The following GALNTL6 variants were observed in gnomAD, a reference collection of about 807,000 sequenced individuals.
GALNTL6 encodes the protein polypeptide N-acetylgalactosaminyltransferase-like 6.
In GALNTL6, 46 loss-of-function variants were observed where a neutral mutation model predicts 73.7. The observed-to-expected ratio is 0.62, with a 90% CI of 0.49 to 0.80. GALNTL6 has a LOEUF of 0.80. GALNTL6 is among the 30% of genes least tolerant of loss of function. GALNTL6 has a pLI of 0.00. For missense variants in GALNTL6, 604 were observed against 755.0 expected (o/e 0.80, Z 2.34); for synonymous variants, 259 against 263.7 (o/e 0.98, Z 0.17).
chr4:171,845,176 C>T (rs148083657), intron 2 of GALNTL6, among the ~76,000 whole-genome samples: 16 of 152,246 alleles, frequency 1.1e-4, no homozygotes, highest in African/African-American at 3.1e-4. Context: ...GCTGATACTT[C>T]TTAACTGTTT....
intron 5 of GALNTL6, among the ~76,000 whole-genome samples, chr4:172,594,117 C>T (rs191261300): frequency 1.6e-4 from 25 of 152,140 alleles, no homozygotes; most frequent in African/African-American, 5.8e-4. Context: ...GAGGCCGAGG[C>T]GGGTGGATCA....
chr4:172,883,498 C>G (rs115637435), intron 8 of GALNTL6, among the ~76,000 whole-genome samples: 34 of 152,216 alleles, frequency 2.2e-4, no homozygotes, highest in African/African-American at 8.2e-4. Flanking sequence ...AAGCAAGAGA[C>G]GCAGGGGTGA....
intron 7 of GALNTL6, among the ~76,000 whole-genome samples, chr4:172,854,398 T>C (rs956998157): frequency 4.6e-5 from 7 of 152,226 alleles, no homozygotes; most frequent in African/African-American, 1.7e-4. Flanking sequence ...AAAAAATCTT[T>C]ATTAAGCAAA....
At chr4:171,939,016 T>G (rs561959205) in intron 2 of GALNTL6, among the ~76,000 whole-genome samples, 3 of 152,016 alleles carry the variant, frequency 2.0e-5, no homozygotes, top group African/African-American at 7.2e-5. Context: ...GGTTGGGAGG[T>G]ATCTTAAGTT....
At chr4:172,032,951 A>G (rs962013473) in intron 2 of GALNTL6, among the ~76,000 whole-genome samples, 1 of 152,014 alleles carries the variant, frequency 6.6e-6, no homozygotes, top group African/African-American at 2.4e-5. Flanking sequence ...CATATACTGT[A>G]TTCTTATAGT....
rs566779043 is a variant in GALNTL6 at position 172,198,676 on chromosome 4, G to C, written c.139-30980G>C. Among the ~76,000 whole-genome samples the C allele has an allele frequency of 9.5e-4, 144 of 152,252 alleles. 1 individual carries two copies. Among genetic ancestry groups the C allele is most frequent in the African/African-American group, 3.4e-3 (140 of 41,544 alleles). The stretch of plus-strand genomic sequence containing the variant: ...TGTTGCCAGTAAGTAATTATCTGGG[G>C]ACAAGAGGTGCTATCAATAATTATG... On this transcript the variant is annotated intron_variant, in intron 2 of 12. Transcript: ENST00000506823.
At chr4:172,969,126 G>A (rs2126401840) in intron 10 of GALNTL6, among the ~76,000 whole-genome samples, 2 of 152,124 alleles carry the variant, frequency 1.3e-5, no homozygotes, top group Non-Finnish European at 2.9e-5. Context: ...AGAATGATAT[G>A]AAACATCATT....
Position 172,483,638 on chromosome 4 carries a change from TGTGA to T in GALNTL6, c.553+134953_553+134956del, listed in dbSNP as rs369069572. Among the ~76,000 whole-genome samples the T allele has an allele frequency of 2.6e-3, 403 of 152,240 alleles. 3 individuals carry two copies. The highest frequency in any genetic ancestry group is 8.7e-3 in the African/African-American group (363 of 41,550). On this transcript the variant is annotated intron_variant, in intron 5 of 12. Transcript: ENST00000506823. ...AAAATTGAACGAACTGGGAGAAGACTGTGAGTGTTTAATTATTAATGTTTTTTGA... is the reference window on the plus strand; with the variant it reads ...AAAATTGAACGAACTGGGAGAAGACTGTGTTTAATTATTAATGTTTTTTGA...
intron 7 of GALNTL6, among the ~76,000 whole-genome samples, chr4:172,857,292 C>T (rs1162577599): frequency 6.6e-6 from 1 of 152,144 alleles, no homozygotes; most frequent in East Asian, 1.9e-4. Context: ...AGAGTATTAG[C>T]GATGGTCTGA....
intron 2 of GALNTL6, among the ~76,000 whole-genome samples, chr4:172,024,429 TTCTC>T (rs1178029449): frequency 6.6e-6 from 1 of 151,868 alleles, no homozygotes; most frequent in Non-Finnish European, 1.5e-5. Flanking sequence ...ATTTAAGTGA[TTCTC>T]TATATAATAC....
intron 2 of GALNTL6, among the ~76,000 whole-genome samples, chr4:171,823,958 C>T (rs761246788): frequency 6.7e-6 from 1 of 150,210 alleles, no homozygotes; most frequent in Non-Finnish European, 1.5e-5. Flanking sequence ...AATAAAACAA[C>T]AATAAAAGTA....
chr4:172,882,851 G>A lies in GALNTL6; in HGVS notation c.985G>A (p.Gly329Ser). ...VDRKWFWELG[G>S]YDPGLEIWGG... ...TCGGAAATGGTTTTGGGAATTGGGT[G>A]GCTATGATCCAGGTTTAGAAATCTG... Residue 329 changes from glycine to serine, a missense_variant, in exon 8 of 13, where the codon GGC becomes AGC. By Grantham distance (56) the Gly-to-Ser change is moderately conservative. Transcript: ENST00000506823. 1.2e-6 allele frequency: 2 copies of A among 1,613,004 alleles called. No individual in the cohort carries two copies. Among genetic ancestry groups the A allele is most frequent in the South Asian group, 1.1e-5 (1 of 91,070 alleles).
At chr4:172,213,303 TA>T (rs1336237299) in intron 2 of GALNTL6, among the ~76,000 whole-genome samples, 2 of 152,178 alleles carry the variant, frequency 1.3e-5, no homozygotes, top group African/African-American at 4.8e-5. Flanking sequence ...GGTAAATAGC[TA>T]AGACTATGGT....
At chr4:172,921,793 CAA>C (rs370693087) in intron 8 of GALNTL6, among the ~76,000 whole-genome samples, 43 of 58,520 alleles carry the variant, frequency 7.3e-4, no homozygotes, top group Admixed American at 9.6e-4. Flanking sequence ...GACCTTGTCT[CAA>C]AAAAAAAAAA....
chr4:172,229,599 C>A, intron 2 of GALNTL6, 57 bp from the exon 3 acceptor site: 2 of 1,020,582 alleles, frequency 2.0e-6, no homozygotes, highest in Non-Finnish European at 3.1e-6. Context: ...CTGTGTTTAC[C>A]TACCATGCAA....
intron 2 of GALNTL6, among the ~76,000 whole-genome samples, chr4:172,182,917 A>G (rs1450250637): frequency 1.3e-5 from 2 of 152,118 alleles, no homozygotes; most frequent in African/African-American, 4.8e-5. Flanking sequence ...TAGGTAGGGT[A>G]TTATATAATT....
chr4:172,887,290 A>T (rs1212987829), intron 8 of GALNTL6, among the ~76,000 whole-genome samples: 1 of 152,172 alleles, frequency 6.6e-6, no homozygotes, highest in Non-Finnish European at 1.5e-5. Flanking sequence ...TGCTGCAATG[A>T]ACATATGAGT....
chr4:172,236,671 AC>A (rs2110982850), intron 3 of GALNTL6, among the ~76,000 whole-genome samples: 1 of 152,048 alleles, frequency 6.6e-6, no homozygotes, highest in East Asian at 1.9e-4. Flanking sequence ...TCTGGTAATT[AC>A]ACCTCTGTGG....
intron 10 of GALNTL6, among the ~76,000 whole-genome samples, chr4:173,005,365 G>A (rs10003998): frequency 0.098 from 14,970 of 152,050 alleles, 933 homozygotes; most frequent in Non-Finnish European, 0.15. Flanking sequence ...GGCATCAAAG[G>A]AATAAGGCCT....
Sources: allele counts gnomAD v4.1 joint callset (sites outside exome capture counted in the v4.1 genomes callset), GRCh38; gene constraint gnomAD v4.1.1; transcripts MANE v1.5; gene names NCBI Gene and HGNC (gene_info 2026-07-23, HGNC 2026-07-21).